Variants in RGS6 observed in about 807,000 individuals in gnomAD.
RGS6 encodes regulator of G-protein signaling 6.
A neutral mutation model predicts 78.5 loss-of-function variants in RGS6; 30 were observed. The ratio of observed to expected loss-of-function variants is 0.38; its 90% CI spans 0.29 to 0.52. RGS6 has a LOEUF of 0.52. Ranked by LOEUF, RGS6 falls within the 20% of genes least tolerant of loss-of-function variation. The pLI is 0.85. For missense variants in RGS6, 495 were observed against 609.7 expected (o/e 0.81, Z 1.98); for synonymous variants, 206 against 206.0 (o/e 1.00, Z 0.00).
At chr14:72,344,868 G>C (rs1237184482) in intron 2 of RGS6, among the ~76,000 whole-genome samples, 1 of 152,200 alleles carries the variant, frequency 6.6e-6, no homozygotes, top group Non-Finnish European at 1.5e-5. Context: ...GTGGGAAACA[G>C]ATCAGAGAGG....
At chr14:72,024,567 G>A (rs1369246806) in intron 2 of RGS6, among the ~76,000 whole-genome samples, 2 of 152,172 alleles carry the variant, frequency 1.3e-5, no homozygotes. Flanking sequence ...CTCACGGGTT[G>A]AAAAACTTGG....
chr14:72,306,968 G>C (rs1223966435), intron 2 of RGS6, among the ~76,000 whole-genome samples: 1 of 152,192 alleles, frequency 6.6e-6, no homozygotes. Flanking sequence ...AGCATTGCAT[G>C]CTACAGAGAC....
intron 2 of RGS6, among the ~76,000 whole-genome samples, chr14:72,010,131 T>C (rs536533730): frequency 6.6e-6 from 1 of 152,218 alleles, no homozygotes; most frequent in Non-Finnish European, 1.5e-5. Flanking sequence ...TTATTTTCTC[T>C]CCCTTCTATG....
At chr14:72,400,851 G>A (rs1005506474) in intron 3 of RGS6, among the ~76,000 whole-genome samples, 1 of 152,194 alleles carries the variant, frequency 6.6e-6, no homozygotes, top group Non-Finnish European at 1.5e-5. Context: ...GTTAGAAGGA[G>A]AAGCTCGGTC....
chr14:72,566,991 G>A (rs2097713964), downstream of RGS6, among the ~76,000 whole-genome samples: 1 of 152,290 alleles, frequency 6.6e-6, no homozygotes, highest in African/African-American at 2.4e-5. Flanking sequence ...TCCCACTAAC[G>A]CCAAAGCAGC....
intron 2 of RGS6, among the ~76,000 whole-genome samples, chr14:72,143,583 A>T (rs1022620790): frequency 2.0e-5 from 3 of 152,192 alleles, no homozygotes; most frequent in Non-Finnish European, 4.4e-5. Context: ...GCCAAACATG[A>T]TTAATGGCTT....
chr14:71,979,481 T>C (rs1301645571), intron 2 of RGS6, among the ~76,000 whole-genome samples: 1 of 152,052 alleles, frequency 6.6e-6, no homozygotes, highest in Non-Finnish European at 1.5e-5. Flanking sequence ...TCTCATTGGT[T>C]TGAAAGAACA....
At chr14:71,921,285 G>T in the RGS6 span, among the ~76,000 whole-genome samples, 2 of 152,064 alleles carry the variant, frequency 1.3e-5, no homozygotes, top group African/African-American at 4.8e-5. Flanking sequence ...ATGGAAAAAG[G>T]GGGTTCCCCC....
intron 2 of RGS6, among the ~76,000 whole-genome samples, chr14:72,176,211 G>C (rs532008441): frequency 6.6e-6 from 1 of 152,332 alleles, no homozygotes; most frequent in East Asian, 1.9e-4. Context: ...TTTTGAGGGA[G>C]AGGGGAAAAG....
intron 2 of RGS6, among the ~76,000 whole-genome samples, chr14:72,133,522 C>G (rs552961382): frequency 6.6e-6 from 1 of 152,008 alleles, no homozygotes; most frequent in African/African-American, 2.4e-5. Flanking sequence ...GAGCATAAAC[C>G]GGGCTTCCCT....
the RGS6 span, among the ~76,000 whole-genome samples, chr14:72,583,173 A>C: frequency 6.6e-6 from 1 of 152,184 alleles, no homozygotes; most frequent in Admixed American, 6.5e-5. Context: ...ACTGAGAGTA[A>C]CACCACCAGC....
intron 2 of RGS6, among the ~76,000 whole-genome samples, chr14:72,244,421 C>T (rs1245811013): frequency 6.6e-6 from 1 of 152,124 alleles, no homozygotes; most frequent in African/African-American, 2.4e-5. Context: ...CTGTATGATG[C>T]TATCTATACC....
intron 3 of RGS6, among the ~76,000 whole-genome samples, chr14:72,360,796 T>TC (rs2081294210): frequency 6.6e-6 from 1 of 152,268 alleles, no homozygotes; most frequent in South Asian, 2.1e-4. Context: ...TGGCTCTGTG[T>TC]CCCCACTCTG....
At chr14:72,597,580 G>C in the RGS6 span, among the ~76,000 whole-genome samples, 1 of 152,182 alleles carries the variant, frequency 6.6e-6, no homozygotes, top group Non-Finnish European at 1.5e-5. Context: ...TTGGAATCAG[G>C]CTCCTGACAG....
At chr14:71,987,990 G>T (rs2094794125) in intron 2 of RGS6, among the ~76,000 whole-genome samples, 1 of 152,074 alleles carries the variant, frequency 6.6e-6, no homozygotes, top group Admixed American at 6.5e-5. Context: ...GTGCCAATCT[G>T]CTTGTTGACT....
At chr14:72,603,268 T>G in the RGS6 span, among the ~76,000 whole-genome samples, 1 of 152,192 alleles carries the variant, frequency 6.6e-6, no homozygotes, top group East Asian at 1.9e-4. Flanking sequence ...CAGCAAGACT[T>G]GAAGGATTTG....
chr14:72,162,414 T>A (rs2096865080), intron 2 of RGS6, among the ~76,000 whole-genome samples: 1 of 152,114 alleles, frequency 6.6e-6, no homozygotes, highest in Admixed American at 6.5e-5. Context: ...CAGAGGAATT[T>A]CATGAGTTCT....
At chr14:71,999,776 T>C (rs2083076459) in intron 2 of RGS6, among the ~76,000 whole-genome samples, 1 of 152,324 alleles carries the variant, frequency 6.6e-6, no homozygotes, top group Admixed American at 6.5e-5. Flanking sequence ...TCCGCCATGA[T>C]TGTAAGCTTC....
At chr14:72,088,595 C>T (rs2095145721) in intron 2 of RGS6, among the ~76,000 whole-genome samples, 1 of 152,076 alleles carries the variant, frequency 6.6e-6, no homozygotes. Context: ...CTTTATGCCC[C>T]CGCCCCACCC....
Sources: gnomAD v4.1 joint callset for allele counts (sites outside exome capture counted in the v4.1 genomes callset) on GRCh38, gnomAD v4.1.1 for gene constraint, MANE v1.5 for transcripts, NCBI Gene and HGNC (gene_info 2026-07-23, HGNC 2026-07-21) for gene names.